Variants in ALDOB observed in about 807,000 individuals in gnomAD.
The protein encoded by ALDOB is aldolase, fructose-bisphosphate B, also known as fructose-bisphosphate aldolase B.
In ALDOB, 39 loss-of-function variants were observed where a neutral mutation model predicts 41.0. The ratio of observed to expected loss-of-function variants is 0.95; its 90% CI spans 0.74 to 1.24. The LOEUF (loss-of-function observed/expected upper bound fraction) is 1.24. Ranked by LOEUF, ALDOB falls within the 50% of genes most tolerant of loss-of-function variation. The probability of loss-of-function intolerance (pLI) is 0.00; values close to 1 mark genes in which losing one functional copy is unlikely to be tolerated. For synonymous variants in ALDOB, 175 were observed against 168.8 expected (o/e 1.04, Z -0.28); for missense variants, 530 against 457.3 (o/e 1.16, Z -1.45).
At chr9:101,434,003 T>A (rs1157041416) in intron 1 of ALDOB, among the ~76,000 whole-genome samples, 2 of 152,056 alleles carry the variant, frequency 1.3e-5, no homozygotes, top group African/African-American at 4.8e-5. Context: ...AACTCCTGAG[T>A]TCACGCGATC....
rs112955919 is a variant in ALDOB, at chr9:101,430,596, C to T, written c.112+180G>A. Among the ~76,000 whole-genome samples, 794 of 152,300 alleles carry T rather than the reference C, an allele frequency of 5.2e-3. 5 individuals are homozygous for T. The highest frequency in any genetic ancestry group is 0.018 in the African/African-American group (734 of 41,548). ...GAAGGGCTTGAGCCTCTTTCCTTGG[C>T]TTTCAGGAATGTGCCTACTACTTAC... On this transcript the variant is annotated intron_variant, in intron 2 of 8. Coordinates refer to ENST00000647789, the MANE Select transcript of ALDOB (RefSeq NM_000035.4).
rs1426475415 is a variant in ALDOB, at chr9:101,424,868, T to C, written c.974A>G (p.Gln325Arg). Residue 325 changes from glutamine (Q) to arginine (R), a missense_variant, in exon 8 of 9, where the codon CAG (glutamine) becomes CGG (arginine). Transcript: ENST00000647789. ...GGKAANKEAT[Q>R]EAFMKRAMAN... is the part of the protein sequence containing the mutation. ...CATGGCCCGCTTCATAAAAGCCTCC[T>C]GGGTTGCCTCCTTGTTTGCAGCCTT... 3 of 1,613,358 alleles carry C rather than the reference T, an allele frequency of 1.9e-6. No individual in the cohort carries two copies. Among genetic ancestry groups the C allele is most frequent in the Non-Finnish European group, 1.7e-6 (2 of 1,180,038 alleles).
chr9:101,429,316 T>C lies in ALDOB; in HGVS notation c.324+439A>G, dbSNP rs139727291. 2.8e-3 allele frequency among the ~76,000 whole-genome samples: 426 copies of C among 151,890 alleles called. 4 individuals are homozygous for C. Among genetic ancestry groups the C allele is most frequent in the African/African-American group, 9.5e-3 (395 of 41,430 alleles). On this transcript the variant is annotated intron_variant, in intron 3 of 8. Coordinates refer to ENST00000647789, the MANE Select transcript of ALDOB (RefSeq NM_000035.4). ...GGGACTACAGGCATGCACCAACACATCTGGCTAATGTTTTTGATTTTTAGT... is the reference window on the plus strand; with the variant it reads ...GGGACTACAGGCATGCACCAACACACCTGGCTAATGTTTTTGATTTTTAGT...
intron 1 of ALDOB, among the ~76,000 whole-genome samples, chr9:101,432,457 T>G (rs935710009): frequency 1.3e-5 from 2 of 152,196 alleles, no homozygotes; most frequent in African/African-American, 4.8e-5. Flanking sequence ...AACCTGGGTG[T>G]GATCTTCAGA....
chr9:101,433,840 A>T (rs117753609), intron 1 of ALDOB, among the ~76,000 whole-genome samples: 3,472 of 151,862 alleles, frequency 0.023, 63 homozygotes, highest in Middle Eastern at 0.048. Flanking sequence ...CACAATCATG[A>T]CTCACTGAAG....
chr9:101,430,724 G>A, intron 2 of ALDOB, 52 bp downstream of exon 2: 1 of 1,366,392 alleles, frequency 7.3e-7, no homozygotes, highest in Non-Finnish European at 1.0e-6. Flanking sequence ...TTTTTGCTAA[G>A]TGTAGAAAAA....
intron 6 of ALDOB, 99 bp downstream of exon 6, chr9:101,426,456 G>T (rs747094651): frequency 7.5e-6 from 6 of 805,006 alleles, no homozygotes; most frequent in African/African-American, 1.7e-5. Context: ...CATCCTAAAG[G>T]CTACTTCAGA....
chr9:101,429,940 T>C lies in ALDOB; in HGVS notation c.139A>G (p.Ile47Val). 6.2e-7 allele frequency: 1 copy of C among 1,614,136 alleles called. No homozygotes were observed. Among genetic ancestry groups the C allele is most frequent in the Non-Finnish European group, 8.5e-7 (1 of 1,180,024 alleles). ...TTCTCTTCAGTGTTTTCCACCTTGATCCTCTGCAGGCGGTTCCCCATGGTA... is the reference window on the plus strand; with the variant it reads ...TTCTCTTCAGTGTTTTCCACCTTGACCCTCTGCAGGCGGTTCCCCATGGTA... ...VGTMGNRLQRIKVENTEENRR... is the reference protein window; with the variant it reads ...VGTMGNRLQRVKVENTEENRR... Residue 47 changes from isoleucine to valine, a missense_variant, in exon 3 of 9, where the codon ATC (isoleucine) becomes GTC (valine). Transcript: ENST00000647789.
rs765247994 is a variant in ALDOB at position 101,424,969 on chromosome 9, A to T, written c.873T>A (p.Pro291=). Residue 291 remains proline (P), a synonymous_variant, in exon 8 of 9, where the codon CCT becomes CCA. Transcript: ENST00000647789. ...AACTTAGTTTCCAGGGCTTTGGTAG[A>T]GGGCAAAGGTTGATAGCATTGAGGT... The part of the protein sequence containing the change: ...TLNLNAINLC[P]LPKPWKLSFS... The T allele has an allele frequency of 1.4e-5, 23 of 1,614,068 alleles. No homozygotes were observed. The highest frequency in any genetic ancestry group is 1.9e-5 in the Non-Finnish European group (23 of 1,180,048).
chr9:101,431,398 A>G (rs760159789), intron 1 of ALDOB, among the ~76,000 whole-genome samples: 117 of 152,208 alleles, frequency 7.7e-4, no homozygotes, highest in Non-Finnish European at 1.9e-4. Context: ...ATCTATACAT[A>G]GTCTTAAAGC....
intron 4 of ALDOB, among the ~76,000 whole-genome samples, chr9:101,428,013 T>G (rs936840375): frequency 1.3e-5 from 2 of 152,218 alleles, no homozygotes; most frequent in Non-Finnish European, 2.9e-5. Flanking sequence ...TGTTGTGAGT[T>G]AATGCTTGTC....
chr9:101,425,323 T>G lies in ALDOB; in HGVS notation c.799+130A>C. ...TGGTATTCTGAAGTGGGAGAAGAAG[T>G]GCTGGCTGCCTGTGAGATAACAGAG... On this transcript the variant is annotated intron_variant, in intron 7 of 8. Coordinates refer to ENST00000647789, the MANE Select transcript of ALDOB (RefSeq NM_000035.4). The G allele has an allele frequency of 1.6e-5, 18 of 1,130,906 alleles. No homozygotes were observed. In the South Asian group the frequency reaches 2.4e-4, roughly 15 times the overall value. The allele number at this position is 1,130,906 out of a possible 1,614,324, so 70.1% of individuals were successfully genotyped here. A position where few individuals can be genotyped will look rare whatever the true frequency, so the allele number is the denominator to read the frequency against.
At chr9:101,426,420 C>T (rs1831129093) in intron 6 of ALDOB, 135 bp downstream of exon 6, 13 of 687,056 alleles carry the variant, frequency 1.9e-5, no homozygotes, top group South Asian at 1.4e-4. Context: ...GGCTGATGAG[C>T]ACCTCCCTAC....
intron 7 of ALDOB, 38 bp from the exon 8 acceptor site, chr9:101,425,080 C>T (rs370865003): frequency 1.1e-5 from 17 of 1,600,038 alleles, no homozygotes; most frequent in Non-Finnish European, 1.4e-5. Context: ...ATTAGTCCCA[C>T]CTTATATACC....
chr9:101,430,732 A>C, intron 2 of ALDOB, 44 bp downstream of exon 2: 1 of 1,457,580 alleles, frequency 6.9e-7, no homozygotes, highest in South Asian at 1.1e-5. Context: ...AAGTGTAGAA[A>C]AAATAATATG....
chr9:101,429,766 C>T lies in ALDOB; in HGVS notation c.313G>A (p.Val105Met). The change falls in exon 3 of 9, where the codon GTG (valine) becomes ATG (methionine). Residue 105 changes from valine (V) to methionine (M), a missense_variant. Transcript: ENST00000647789. Reference protein sequence around the residue: ...RNILKEKGIVVGIKLDQGGAP... With the variant: ...RNILKEKGIVMGIKLDQGGAP... Reference sequence around the variant, plus strand: ...ATGGAGGTGTTCACCTTGATTCCCACCACGATCCCCTTTTCCTTGAGGATG... The same window carrying T: ...ATGGAGGTGTTCACCTTGATTCCCATCACGATCCCCTTTTCCTTGAGGATG... 5.6e-6 allele frequency: 9 copies of T among 1,614,116 alleles called. No homozygotes were observed. The highest frequency in any genetic ancestry group is 1.1e-5 in the South Asian group (1 of 91,070).
intron 4 of ALDOB, among the ~76,000 whole-genome samples, 189 bp downstream of exon 4, chr9:101,428,280 G>A (rs1343601029): frequency 6.6e-6 from 1 of 152,186 alleles, no homozygotes; most frequent in African/African-American, 2.4e-5. Context: ...GAGAACTGAG[G>A]CTCACAATAT....
intron 6 of ALDOB, 105 bp from the exon 7 acceptor site, chr9:101,425,732 T>G: frequency 7.7e-7 from 1 of 1,300,068 alleles, no homozygotes; most frequent in Admixed American, 1.8e-5. Context: ...GAATTCTTAT[T>G]TGTTGCTTGG....
chr9:101,425,718 G>T, intron 6 of ALDOB, 91 bp from the exon 7 acceptor site: 1 of 1,377,292 alleles, frequency 7.3e-7, no homozygotes. Flanking sequence ...GAGGCAGGAT[G>T]AAGGAATTCT....
Sources: gnomAD v4.1 joint callset for allele counts (sites outside exome capture counted in the v4.1 genomes callset) on GRCh38, gnomAD v4.1.1 for gene constraint, MANE v1.5 for transcripts, NCBI Gene and HGNC (gene_info 2026-07-23, HGNC 2026-07-21) for gene names.